Variants in UGT2B4 observed in about 807,000 individuals in gnomAD.
UGT2B4 encodes UDP glucuronosyltransferase family 2 member B4.
Under a neutral mutation model 49.8 loss-of-function variants are expected in UGT2B4, and 49 were observed. The observed-to-expected ratio is 0.98, with a 90% CI of 0.78 to 1.25. UGT2B4 has a LOEUF of 1.25. Among genes scored for constraint, UGT2B4 ranks in the 50% most tolerant of loss-of-function variants. The pLI is 0.00. For synonymous variants in UGT2B4, 246 were observed against 217.7 expected, an observed-to-expected ratio of 1.13 and a Z score of -1.14; for missense variants, 729 against 627.7, an observed-to-expected ratio of 1.16 and a Z score of -1.73.
Position 69,485,301 on chromosome 4 carries a change from A to C in UGT2B4, c.1217T>G (p.Met406Arg), listed in dbSNP as rs370472636. ...FADQPDNIAH[M>R]KAKGAAVSLD... ...ACTAACAGCTGCTCCCTTGGCCTTC[A>C]TGTGTGCAATGTTATCAGGTTGATC... is the stretch of plus-strand genomic sequence containing the variant. Residue 406 changes from methionine to arginine, a missense_variant, in exon 5 of 6, where the codon ATG becomes AGG. Met to Arg is a moderately conservative substitution (Grantham distance 91, BLOSUM62 -1). Transcript: ENST00000305107. The C allele has an allele frequency of 1.2e-6, 2 of 1,614,014 alleles. No individual in the cohort carries two copies. Among genetic ancestry groups the C allele is most frequent in the Non-Finnish European group, 1.7e-6 (2 of 1,179,944 alleles).
chr4:69,509,414 G>T (rs149907806), intron 1 of UGT2B4, among the ~76,000 whole-genome samples: 183 of 152,130 alleles, frequency 1.2e-3, no homozygotes, highest in African/African-American at 4.3e-3. Flanking sequence ...CCTCTACATT[G>T]CTTCCATAGT....
At chr4:69,520,269 A>G (rs929098479) in intron 1 of UGT2B4, among the ~76,000 whole-genome samples, 2 of 152,272 alleles carry the variant, frequency 1.3e-5, no homozygotes, top group Admixed American at 1.3e-4. Flanking sequence ...ATGAAAAGTA[A>G]TAACAAAATA....
At chr4:69,497,621 G>A (rs987699133), upstream of UGT2B4, among the ~76,000 whole-genome samples, 4 of 152,142 alleles carry the variant, frequency 2.6e-5, no homozygotes, top group South Asian at 2.1e-4. Flanking sequence ...CTGCAATCTC[G>A]TGATAAAACA....
At chr4:69,500,900 C>G (rs1728303596), upstream of UGT2B4, among the ~76,000 whole-genome samples, 1 of 152,180 alleles carries the variant, frequency 6.6e-6, no homozygotes, top group Non-Finnish European at 1.5e-5. Context: ...AGCAGCAGCT[C>G]AGGCATGTGT....
chr4:69,512,679 A>G (rs1214939046), intron 1 of UGT2B4, among the ~76,000 whole-genome samples: 10 of 151,956 alleles, frequency 6.6e-5, no homozygotes, highest in Non-Finnish European at 8.8e-5. Flanking sequence ...CCAACAGTGT[A>G]AAACCATTTT....
At chr4:69,488,293 G>A (rs992840471) in intron 3 of UGT2B4, among the ~76,000 whole-genome samples, 1 of 152,062 alleles carries the variant, frequency 6.6e-6, no homozygotes, top group Non-Finnish European at 1.5e-5. Flanking sequence ...TTAACACTTA[G>A]AAAATGTGCT....
intron 3 of UGT2B4, among the ~76,000 whole-genome samples, chr4:69,489,076 C>T (rs1845557): frequency 0.61 from 92,607 of 151,836 alleles, 29,424 homozygotes; most frequent in Admixed American, 0.72. Context: ...TTTTCTAACA[C>T]CTGTAGGATG....
At chr4:69,489,335 C>A in intron 3 of UGT2B4, 104 bp downstream of exon 3, 1 of 1,464,592 alleles carries the variant, frequency 6.8e-7, no homozygotes, top group Non-Finnish European at 9.3e-7. Flanking sequence ...AGTGCTTTCC[C>A]AACAGCTGAA....
intron 1 of UGT2B4, among the ~76,000 whole-genome samples, chr4:69,511,681 CATAAA>C (rs1728607734): frequency 6.6e-6 from 1 of 152,096 alleles, no homozygotes; most frequent in Admixed American, 6.6e-5. Flanking sequence ...ATGCTGCTCT[CATAAA>C]ATGAGTTTGA....
rs184827998 is a variant in UGT2B4, at chr4:69,523,842, C to A, written c.-106+1845G>T. Among the ~76,000 whole-genome samples, 10 of 152,262 alleles carry A rather than the reference C, an allele frequency of 6.6e-5. No individual in the cohort carries two copies. The East Asian group carries it at 1.9e-3, about 30-fold the overall frequency. ...TGGTGTGTTAATCTTCACCAATTAT[C>A]TTGGCTAGATTGTTTGGATAATTTT... On this transcript the variant is annotated intron_variant, in intron 1 of 1. Transcript: ENST00000510114.
rs757247449 is a variant in UGT2B4 at position 69,495,873 on chromosome 4, G to T, written c.-12C>A. 6.4e-7 allele frequency: 1 copy of T among 1,562,128 alleles called. No homozygotes were observed. The highest frequency in any genetic ancestry group is 1.7e-4 in the Middle Eastern group (1 of 5,788). ...CATTTCATAGACATCCTGATGCAAT[G>T]CAATGCTTGTTTTCCAGTTGCTGCT... On this transcript the variant is annotated 5_prime_UTR_variant, in exon 1 of 6. Coordinates refer to ENST00000305107, the MANE Select transcript of UGT2B4 (RefSeq NM_021139.3).
chr4:69,492,499 T>C, intron 2 of UGT2B4, among the ~76,000 whole-genome samples: 1 of 152,110 alleles, frequency 6.6e-6, no homozygotes, highest in East Asian at 1.9e-4. Context: ...TCAAAACTGA[T>C]ATGTCTTATT....
intron 1 of UGT2B4, among the ~76,000 whole-genome samples, chr4:69,513,801 C>T (rs1728665614): frequency 6.6e-6 from 1 of 152,012 alleles, no homozygotes; most frequent in Non-Finnish European, 1.5e-5. Flanking sequence ...TCCTTATTAA[C>T]TATATTACTA....
chr4:69,485,280 AC>A lies in UGT2B4; in HGVS notation c.1237del (p.Val413LeufsTer17). 1 of 1,613,910 alleles carries A rather than the reference AC, an allele frequency of 6.2e-7. No individual in the cohort carries two copies. The highest frequency in any genetic ancestry group is 8.5e-7 in the Non-Finnish European group (1 of 1,179,870). ...IAHMKAKGAA[V>X]SLDFHTMSST... ...CGACATTGTGTGGAAGTCCAAACTA[AC>A]AGCTGCTCCCTTGGCCTTCATGTGT... is the stretch of plus-strand genomic sequence containing the variant. On this transcript the variant is annotated frameshift_variant, in exon 5 of 6. Transcript: ENST00000305107. LOFTEE classifies it high-confidence loss of function.
chr4:69,517,230 C>G (rs930370804), intron 1 of UGT2B4, among the ~76,000 whole-genome samples: 3 of 151,786 alleles, frequency 2.0e-5, no homozygotes, highest in Non-Finnish European at 4.4e-5. Context: ...TTTTGTTTAG[C>G]CCTCCCCCCC....
intron 1 of UGT2B4, among the ~76,000 whole-genome samples, chr4:69,522,009 C>T (rs1728861117): frequency 6.6e-6 from 1 of 152,086 alleles, no homozygotes; most frequent in Non-Finnish European, 1.5e-5. Context: ...CATATATAGC[C>T]TTTTTTATCC....
chr4:69,493,938 G>A (rs1026373556), intron 1 of UGT2B4, 97 bp from the exon 2 acceptor site: 3 of 1,398,900 alleles, frequency 2.1e-6, no homozygotes, highest in African/African-American at 3.0e-5. Flanking sequence ...AAAAATGTAG[G>A]CAAAGTGTTT....
intron 4 of UGT2B4, among the ~76,000 whole-genome samples, 193 bp from the exon 5 acceptor site, chr4:69,485,620 C>T (rs1727758374): frequency 6.6e-6 from 1 of 151,932 alleles, no homozygotes; most frequent in African/African-American, 2.4e-5. Context: ...TGTTTAACTT[C>T]AGACTGAAAA....
At chr4:69,486,050 C>T (rs917888538) in intron 4 of UGT2B4, among the ~76,000 whole-genome samples, 3 of 152,094 alleles carry the variant, frequency 2.0e-5, no homozygotes, top group Non-Finnish European at 4.4e-5. Context: ...CGTGAGCCAC[C>T]GTGCCCAGCC....
Sources: gnomAD v4.1 joint callset for allele counts (sites outside exome capture counted in the v4.1 genomes callset) on GRCh38, gnomAD v4.1.1 for gene constraint, MANE v1.5 for transcripts, NCBI Gene and HGNC (gene_info 2026-07-23, HGNC 2026-07-21) for gene names.